CAST: variants seen among roughly 807,000 people sequenced by gnomAD.
The protein encoded by CAST is calpastatin, also known as MIR583 host.
A neutral mutation model predicts 119.6 loss-of-function variants in CAST; 76 were observed. That is an observed-to-expected ratio of 0.64 (90% CI 0.53 to 0.77). CAST has a LOEUF of 0.77. CAST is among the 30% of genes least tolerant of loss of function. CAST has a pLI of 0.00. For synonymous variants in CAST, 319 were observed against 331.6 expected, an observed-to-expected ratio of 0.96 and a Z score of 0.41; for missense variants, 953 against 946.5, an observed-to-expected ratio of 1.01 and a Z score of -0.09.
the CAST span, among the ~76,000 whole-genome samples, chr5:96,205,127 T>G: frequency 6.6e-6 from 1 of 152,100 alleles, no homozygotes; most frequent in Non-Finnish European, 1.5e-5. Flanking sequence ...TTTTAAGAGT[T>G]CTTTATACAT....
chr5:96,711,115 A>G (rs182978669), intron 3 of CAST, among the ~76,000 whole-genome samples: 163 of 152,300 alleles, frequency 1.1e-3, no homozygotes, highest in Admixed American at 7.3e-3. Context: ...CAGGTTTCCA[A>G]AGATTAAATG....
At chr5:96,425,750 T>C in the CAST span, 1 of 844,778 alleles carries the variant, frequency 1.2e-6, no homozygotes. Flanking sequence ...AAAATCCATG[T>C]TGCAAATGTA....
chr5:96,179,140 A>C, the CAST span, among the ~76,000 whole-genome samples: 2 of 151,800 alleles, frequency 1.3e-5, no homozygotes, highest in Admixed American at 6.6e-5. Context: ...TAACTGCCCC[A>C]TCCTTGGTCT....
the CAST span, among the ~76,000 whole-genome samples, chr5:96,385,125 TC>T: frequency 6.6e-6 from 1 of 152,226 alleles, no homozygotes; most frequent in Non-Finnish European, 1.5e-5. Context: ...TATCTTAGCA[TC>T]CCTGGGGATG....
the CAST span, among the ~76,000 whole-genome samples, chr5:96,345,356 A>T: frequency 7.9e-5 from 12 of 152,068 alleles, no homozygotes; most frequent in Non-Finnish European, 1.0e-4. Context: ...TATTTTACTG[A>T]TACAAATCTA....
At chr5:96,437,911 A>G in the CAST span, among the ~76,000 whole-genome samples, 224 of 152,228 alleles carry the variant, frequency 1.5e-3, no homozygotes, top group African/African-American at 4.6e-3. Context: ...CCTTATAATG[A>G]TATTATAAAA....
intron 3 of CAST, among the ~76,000 whole-genome samples, chr5:96,718,679 T>TGACTCAAA (rs1757630550): frequency 6.6e-6 from 1 of 152,164 alleles, no homozygotes; most frequent in African/African-American, 2.4e-5. Flanking sequence ...AGTCAGTGAA[T>TGACTCAAA]GACTCAAAGT....
At chr5:96,144,592 T>C in the CAST span, among the ~76,000 whole-genome samples, 1 of 152,314 alleles carries the variant, frequency 6.6e-6, no homozygotes, top group African/African-American at 2.4e-5. Flanking sequence ...ACTTCTTTAC[T>C]TCCACTTTGG....
chr5:96,144,337 G>T, the CAST span, among the ~76,000 whole-genome samples: 5 of 152,268 alleles, frequency 3.3e-5, no homozygotes, highest in East Asian at 3.9e-4. Context: ...AAGATTGAAA[G>T]ACTGACCAAA....
chr5:96,340,059 A>T, the CAST span, among the ~76,000 whole-genome samples: 1 of 152,210 alleles, frequency 6.6e-6, no homozygotes, highest in African/African-American at 2.4e-5. Context: ...TGGTAATCGG[A>T]CAGGAAACAA....
chr5:96,059,198 CA>C, the CAST span, among the ~76,000 whole-genome samples: 1 of 152,052 alleles, frequency 6.6e-6, no homozygotes, highest in Admixed American at 6.6e-5. Context: ...TAGCATCATG[CA>C]AAACATAACC....
chr5:96,631,824 G>A (rs879855378), intron 1 of CAST, among the ~76,000 whole-genome samples: 8 of 151,986 alleles, frequency 5.3e-5, no homozygotes, highest in Non-Finnish European at 1.2e-4. Flanking sequence ...GAGCCACTGC[G>A]CCCGACTGCT....
chr5:96,628,947 C>T (rs1371864726), intron 1 of CAST, among the ~76,000 whole-genome samples: 2 of 152,160 alleles, frequency 1.3e-5, no homozygotes, highest in African/African-American at 4.8e-5. Flanking sequence ...GAATGTATCC[C>T]CCAAAAGTTC....
the CAST span, among the ~76,000 whole-genome samples, chr5:96,512,480 C>T: frequency 2.6e-5 from 4 of 152,156 alleles, no homozygotes; most frequent in Non-Finnish European, 5.9e-5. Context: ...AGTATAACCT[C>T]ATTAAGTTTT....
At chr5:96,655,414 T>C (rs1748145315) in intron 1 of CAST, among the ~76,000 whole-genome samples, 1 of 152,142 alleles carries the variant, frequency 6.6e-6, no homozygotes, top group Admixed American at 6.5e-5. Context: ...AGAGAAGCTT[T>C]AGAGTACCTA....
At chr5:96,053,964 T>A in the CAST span, among the ~76,000 whole-genome samples, 1 of 152,088 alleles carries the variant, frequency 6.6e-6, no homozygotes, top group African/African-American at 2.4e-5. Context: ...TCAAAGGGGA[T>A]CATAGTGCCT....
chr5:96,505,230 G>A, the CAST span, among the ~76,000 whole-genome samples: 2 of 152,260 alleles, frequency 1.3e-5, no homozygotes, highest in African/African-American at 2.4e-5. Flanking sequence ...AGGTTGTATT[G>A]GCCATGAAAT....
chr5:96,350,077 G>A, the CAST span, among the ~76,000 whole-genome samples: 1 of 152,174 alleles, frequency 6.6e-6, no homozygotes, highest in African/African-American at 2.4e-5. Context: ...AAAAGTGTCT[G>A]CGACAGGTCT....
chr5:96,077,687 C>T, the CAST span, among the ~76,000 whole-genome samples: 2 of 152,078 alleles, frequency 1.3e-5, no homozygotes, highest in Admixed American at 1.3e-4. Flanking sequence ...CCCTTTCCTG[C>T]TTCCTTTCTT....
Sources: gnomAD v4.1 joint callset for allele counts (sites outside exome capture counted in the v4.1 genomes callset) on GRCh38, gnomAD v4.1.1 for gene constraint, MANE v1.5 for transcripts, NCBI Gene and HGNC (gene_info 2026-07-23, HGNC 2026-07-21) for gene names.